Variants in PTPRD observed in about 807,000 individuals in gnomAD.
The protein encoded by PTPRD is protein tyrosine phosphatase receptor type D.
PTPRD carries 34 observed loss-of-function variants against 214.5 expected under a neutral mutation model. The observed-to-expected ratio is 0.16, with a 90% CI of 0.12 to 0.21. PTPRD has a LOEUF of 0.21. Ranked by LOEUF, PTPRD falls within the 10% of genes least tolerant of loss-of-function variation. PTPRD has a pLI of 1.00. For missense variants in PTPRD, 2,545 were observed against 2,398.7 expected, an observed-to-expected ratio of 1.06 and a Z score of -1.27; for synonymous variants, 1,128 against 845.7, an observed-to-expected ratio of 1.33 and a Z score of -5.79.
intron 5 of PTPRD, among the ~76,000 whole-genome samples, chr9:9,903,255 AT>A (rs148630498): frequency 0.025 from 3,875 of 152,188 alleles, 65 homozygotes; most frequent in Non-Finnish European, 0.037. Flanking sequence ...AATAGTTTTA[AT>A]TTTTTATTTT....
chr9:10,188,416 G>A (rs951556647), intron 3 of PTPRD, among the ~76,000 whole-genome samples: 1 of 152,128 alleles, frequency 6.6e-6, no homozygotes, highest in East Asian at 1.9e-4. Flanking sequence ...AATTCCACTT[G>A]AATCCTTTAT....
rs141208279 is a variant in PTPRD, at chr9:9,295,146, G to A, written c.-203+102303C>T. Among the ~76,000 whole-genome samples the A allele has an allele frequency of 3.7e-4, 56 of 151,728 alleles. No individual in the cohort carries two copies. In the East Asian group the frequency reaches 3.9e-3, roughly 11 times the overall value. ...CTGGGTAATCAGGAAAATAAAATAC[G>A]TCCTTTAAAACAGATTTCAGGGGAA... On this transcript the variant is annotated intron_variant, in intron 9 of 45. Transcript: ENST00000381196.
chr9:10,357,717 G>T (rs1010463496), intron 2 of PTPRD, among the ~76,000 whole-genome samples: 8 of 152,208 alleles, frequency 5.3e-5, no homozygotes, highest in Non-Finnish European at 7.4e-5. Flanking sequence ...CATAGGCAGA[G>T]CAGCTGGAGA....
chr9:9,827,588 C>A (rs10816194), intron 5 of PTPRD, among the ~76,000 whole-genome samples: 3 of 151,836 alleles, frequency 2.0e-5, no homozygotes, highest in Admixed American at 2.0e-4. Flanking sequence ...ATTCAGGACA[C>A]AGGCATGGGC....
intron 11 of PTPRD, among the ~76,000 whole-genome samples, chr9:8,851,909 G>A (rs112857639): frequency 1.3e-5 from 2 of 152,168 alleles, no homozygotes; most frequent in Admixed American, 6.5e-5. Flanking sequence ...AACCTGGGTC[G>A]AGATTTTGCA....
chr9:8,774,527 C>CTTTTTTTTTTTT (rs564318443), intron 11 of PTPRD, among the ~76,000 whole-genome samples: 3 of 105,218 alleles, frequency 2.9e-5, no homozygotes, highest in Non-Finnish European at 5.5e-5. Context: ...TGAAAAGTAA[C>CTTTTTTTTTTTT]TTTTTTTTTT....
intron 43 of PTPRD, among the ~76,000 whole-genome samples, chr9:8,336,831 G>T (rs1014209023): frequency 2.6e-5 from 4 of 152,128 alleles, no homozygotes; most frequent in African/African-American, 9.7e-5. Context: ...CACCGATGCG[G>T]CAGACAAACA....
intron 11 of PTPRD, among the ~76,000 whole-genome samples, chr9:9,018,061 G>A (rs66804963): frequency 2.2e-4 from 34 of 151,704 alleles, no homozygotes; most frequent in African/African-American, 6.3e-4. Flanking sequence ...AAGATCTGTC[G>A]TCTTTCTTCT....
intron 4 of PTPRD, among the ~76,000 whole-genome samples, chr9:9,954,477 G>C (rs1048462949): frequency 1.3e-5 from 2 of 151,454 alleles, no homozygotes; most frequent in African/African-American, 4.9e-5. Flanking sequence ...TCTTGTAAGA[G>C]AACTATTAAT....
At chr9:8,933,340 G>GTTT (rs71317383) in intron 11 of PTPRD, among the ~76,000 whole-genome samples, 3,615 of 80,176 alleles carry the variant, frequency 0.045, 479 homozygotes, top group African/African-American at 0.17. Flanking sequence ...CAACCTTGAG[G>GTTT]TTTTTTTTTT....
At chr9:8,800,754 T>C (rs1180877881) in intron 11 of PTPRD, among the ~76,000 whole-genome samples, 1 of 152,214 alleles carries the variant, frequency 6.6e-6, no homozygotes, top group Non-Finnish European at 1.5e-5. Flanking sequence ...ACTTTCACTT[T>C]ACTCTATGGA....
At chr9:10,445,350 T>C (rs2098791309) in intron 2 of PTPRD, among the ~76,000 whole-genome samples, 1 of 152,052 alleles carries the variant, frequency 6.6e-6, no homozygotes, top group African/African-American at 2.4e-5. Context: ...GTTGCATTTT[T>C]AGGCAGGTAC....
intron 3 of PTPRD, among the ~76,000 whole-genome samples, chr9:10,115,058 T>C (rs998101328): frequency 2.6e-5 from 4 of 151,590 alleles, no homozygotes; most frequent in Non-Finnish European, 5.9e-5. Flanking sequence ...AAAAAAAACC[T>C]TCAAAGTGCT....
chr9:9,432,204 A>T (rs997016614), intron 8 of PTPRD, among the ~76,000 whole-genome samples: 2 of 152,058 alleles, frequency 1.3e-5, no homozygotes, highest in African/African-American at 4.8e-5. Context: ...AGTAGAAGGT[A>T]AATGGGATTG....
intron 7 of PTPRD, among the ~76,000 whole-genome samples, chr9:9,656,113 G>A (rs1183680135): frequency 6.6e-6 from 1 of 152,164 alleles, no homozygotes; most frequent in Non-Finnish European, 1.5e-5. Flanking sequence ...CCAAAACACT[G>A]ACAACATTAA....
chr9:9,137,930 C>T (rs752133805), intron 10 of PTPRD, among the ~76,000 whole-genome samples: 31 of 152,008 alleles, frequency 2.0e-4, no homozygotes, highest in Non-Finnish European at 4.1e-4. Flanking sequence ...TTTGACTTTC[C>T]CCAAAAGAAT....
At chr9:8,863,325 C>T (rs1281101004) in intron 11 of PTPRD, among the ~76,000 whole-genome samples, 1 of 152,170 alleles carries the variant, frequency 6.6e-6, no homozygotes, top group East Asian at 1.9e-4. Flanking sequence ...CTTTAGTAGA[C>T]TGGGGCATTC....
chr9:8,635,049 A>T (rs2096386369), intron 13 of PTPRD, among the ~76,000 whole-genome samples: 1 of 147,892 alleles, frequency 6.8e-6, no homozygotes, highest in Admixed American at 6.8e-5. Context: ...TTGTTTAATA[A>T]TATATATTTA....
At chr9:10,149,209 C>A (rs762249979) in intron 3 of PTPRD, among the ~76,000 whole-genome samples, 5 of 152,148 alleles carry the variant, frequency 3.3e-5, no homozygotes, top group Non-Finnish European at 7.3e-5. Context: ...TATCCCATGG[C>A]AGTCATGTTG....
Sources: gnomAD v4.1 joint callset for allele counts (sites outside exome capture counted in the v4.1 genomes callset) on GRCh38, gnomAD v4.1.1 for gene constraint, MANE v1.5 for transcripts, NCBI Gene and HGNC (gene_info 2026-07-23, HGNC 2026-07-21) for gene names.